MIPEP: variants seen among roughly 807,000 people sequenced by gnomAD.
The protein encoded by MIPEP is mitochondrial intermediate peptidase.
MIPEP carries 79 observed loss-of-function variants against 90.3 expected under a neutral mutation model. The ratio of observed to expected loss-of-function variants is 0.87; its 90% CI spans 0.73 to 1.05. MIPEP has a LOEUF of 1.05. MIPEP is among the 50% of genes least tolerant of loss of function. MIPEP has a pLI of 0.00. For synonymous variants in MIPEP, 334 were observed against 315.8 expected (o/e 1.06, Z -0.61); for missense variants, 940 against 905.6 (o/e 1.04, Z -0.49).
chr13:23,770,700 T>A (rs1178106984), intron 16 of MIPEP, among the ~76,000 whole-genome samples: 1 of 152,124 alleles, frequency 6.6e-6, no homozygotes, highest in East Asian at 1.9e-4. Flanking sequence ...AGACCGCCAC[T>A]GCCCCCTCCC....
intron 10 of MIPEP, among the ~76,000 whole-genome samples, chr13:23,854,135 C>T (rs1025320371): frequency 1.3e-5 from 2 of 150,102 alleles, no homozygotes; most frequent in Middle Eastern, 3.5e-3. Context: ...ATCATCCTGG[C>T]TAACACGGTG....
chr13:23,752,419 C>G (rs1952451527), intron 18 of MIPEP, among the ~76,000 whole-genome samples: 1 of 152,166 alleles, frequency 6.6e-6, no homozygotes, highest in African/African-American at 2.4e-5. Context: ...TCACAAGCCT[C>G]AGCATATCTG....
chr13:23,846,849 TG>T (rs57022806), intron 10 of MIPEP, among the ~76,000 whole-genome samples: 29,001 of 152,142 alleles, frequency 0.19, 3,224 homozygotes, highest in Non-Finnish European at 0.25. Context: ...ATGATGATGA[TG>T]ATGGTAACTA....
At chr13:23,853,583 C>T (rs1869902767) in intron 10 of MIPEP, among the ~76,000 whole-genome samples, 1 of 148,104 alleles carries the variant, frequency 6.8e-6, no homozygotes, top group Admixed American at 6.8e-5. Flanking sequence ...TTTTCTGAGA[C>T]AAAGTCTCAC....
At chr13:23,795,936 A>G (rs564058155) in intron 16 of MIPEP, among the ~76,000 whole-genome samples, 4 of 152,082 alleles carry the variant, frequency 2.6e-5, no homozygotes, top group African/African-American at 9.6e-5. Flanking sequence ...TTAAGGCTGC[A>G]ATGAGCCATA....
At chr13:23,756,079 ATTAAT>A (rs1952488170) in intron 18 of MIPEP, among the ~76,000 whole-genome samples, 1 of 152,244 alleles carries the variant, frequency 6.6e-6, no homozygotes, top group African/African-American at 2.4e-5. Context: ...GCAACTAAAA[ATTAAT>A]TTACTTAGGA....
intron 14 of MIPEP, among the ~76,000 whole-genome samples, chr13:23,835,954 G>A (rs1869021181): frequency 6.6e-6 from 1 of 152,158 alleles, no homozygotes; most frequent in African/African-American, 2.4e-5. Context: ...TCTGGAAAAT[G>A]GGGATAAAGT....
At chr13:23,870,720 G>A (rs991998269) in intron 5 of MIPEP, among the ~76,000 whole-genome samples, 2 of 152,094 alleles carry the variant, frequency 1.3e-5, no homozygotes, top group Admixed American at 1.3e-4. Flanking sequence ...CACGAGAATC[G>A]CTCGAACCCA....
chr13:23,804,933 C>T (rs1460253461), intron 16 of MIPEP, among the ~76,000 whole-genome samples: 1 of 152,142 alleles, frequency 6.6e-6, no homozygotes, highest in African/African-American at 2.4e-5. Context: ...CCTGAACCTA[C>T]CGGTAGTTAT....
intron 16 of MIPEP, among the ~76,000 whole-genome samples, chr13:23,764,945 T>C (rs1311265783): frequency 6.6e-6 from 1 of 152,264 alleles, no homozygotes; most frequent in Non-Finnish European, 1.5e-5. Flanking sequence ...AAATGATTTT[T>C]ATCACTGGAA....
At chr13:23,764,290 A>G (rs1952573605) in intron 16 of MIPEP, among the ~76,000 whole-genome samples, 1 of 152,250 alleles carries the variant, frequency 6.6e-6, no homozygotes, top group Non-Finnish European at 1.5e-5. Flanking sequence ...ACTTGGAGCC[A>G]GCAAAGCAGC....
At chr13:23,747,679 G>T in intron 18 of MIPEP, 2 of 388,446 alleles carry the variant, frequency 5.1e-6, no homozygotes, top group Non-Finnish European at 1.0e-5. Flanking sequence ...ATATTCATGT[G>T]ATAAAAAAAA....
At chr13:23,808,335 G>A (rs947145121) in intron 15 of MIPEP, among the ~76,000 whole-genome samples, 22 of 152,084 alleles carry the variant, frequency 1.4e-4, no homozygotes, top group African/African-American at 4.8e-4. Flanking sequence ...TCCTGATCTC[G>A]TGATCCGCCC....
intron 16 of MIPEP, among the ~76,000 whole-genome samples, chr13:23,775,347 T>C (rs1157481665): frequency 1.3e-5 from 2 of 152,188 alleles, no homozygotes; most frequent in Non-Finnish European, 2.9e-5. Flanking sequence ...AGAGGAAAGC[T>C]TTCAGTCTTT....
chr13:23,877,807 A>G (rs1417392100), intron 4 of MIPEP, among the ~76,000 whole-genome samples: 3 of 152,206 alleles, frequency 2.0e-5, no homozygotes, highest in Non-Finnish European at 4.4e-5. Context: ...TCTGGGTGCT[A>G]GCCAACACTC....
chr13:23,855,724 G>A (rs182776391), intron 10 of MIPEP, among the ~76,000 whole-genome samples: 3 of 152,150 alleles, frequency 2.0e-5, no homozygotes, highest in East Asian at 1.9e-4. Flanking sequence ...TTTAAAACCC[G>A]ATTCTTACAA....
intron 14 of MIPEP, among the ~76,000 whole-genome samples, chr13:23,831,333 CTGAGTACCCAAA>C (rs1868725152): frequency 7.4e-6 from 1 of 135,728 alleles, no homozygotes; most frequent in Non-Finnish European, 1.5e-5. Context: ...GAGGAAAACT[CTGAGTACCCAAA>C]TGATCTGGGC....
chr13:23,771,576 T>C, intron 16 of MIPEP, among the ~76,000 whole-genome samples: 1 of 148,572 alleles, frequency 6.7e-6, no homozygotes, highest in East Asian at 2.0e-4. Flanking sequence ...CACATCTGCA[T>C]TTCTGAAGTG....
chr13:23,806,869 A>G (rs565478831), intron 15 of MIPEP, among the ~76,000 whole-genome samples: 4 of 152,316 alleles, frequency 2.6e-5, no homozygotes, highest in African/African-American at 9.6e-5. Context: ...AATGAGAGAA[A>G]TGAAACGGTC....
Sources: allele counts gnomAD v4.1 joint callset (sites outside exome capture counted in the v4.1 genomes callset), GRCh38; gene constraint gnomAD v4.1.1; transcripts MANE v1.5; gene names NCBI Gene and HGNC (gene_info 2026-07-23, HGNC 2026-07-21).